The following DDX17 variants were observed in gnomAD, a reference collection of about 807,000 sequenced individuals.
The protein encoded by DDX17 is probable ATP-dependent RNA helicase DDX17.
A neutral mutation model predicts 80.8 loss-of-function variants in DDX17; 10 were observed. That is an observed-to-expected ratio of 0.12 (90% confidence interval 0.08 to 0.21). The LOEUF (loss-of-function observed/expected upper bound fraction) is 0.21, where lower values mean the gene tolerates loss of function less well. DDX17 is among the 10% of genes least tolerant of loss of function. The pLI, the probability that DDX17 is intolerant of heterozygous loss-of-function variation, is 1.00. For missense variants in DDX17, 586 were observed against 957.4 expected, an observed-to-expected ratio of 0.61 and a Z score of 5.12; for synonymous variants, 339 against 336.2, an observed-to-expected ratio of 1.01 and a Z score of -0.09.
intron 11 of DDX17, chr22:38,490,187 AC>A: frequency 8.3e-7 from 1 of 1,198,050 alleles, no homozygotes; most frequent in East Asian, 5.8e-5. Flanking sequence ...TTATCTGTGC[AC>A]TGCCACAATA....
At position 38,488,075 on chromosome 22, in the gene DDX17, T is replaced by G. The variant is rs748821178; in HGVS notation, c.1488A>C (p.Pro496=). 13 of 1,614,244 alleles carry G rather than the reference T, an allele frequency of 8.1e-6. No individual in the cohort carries two copies. Among genetic ancestry groups the G allele is most frequent in the Admixed American group, 3.3e-5 (2 of 60,030 alleles). ...GGTGCACATAATCCTCTGAGCTGTT[T>G]GGATAGTCATAGTTGATCACAAACT... Residue 496 remains proline (P), a synonymous_variant, in exon 12 of 13, where the codon CCA becomes CCC. Coordinates refer to ENST00000403230, the MANE Select transcript of DDX17 (RefSeq NM_006386.5).
At chr22:38,487,206 C>T (rs1408327795) in intron 12 of DDX17, among the ~76,000 whole-genome samples, 2 of 152,162 alleles carry the variant, frequency 1.3e-5, no homozygotes, top group Non-Finnish European at 2.9e-5. Flanking sequence ...AAACTCAGAC[C>T]AGCCTCAGCT....
Position 38,495,035 on chromosome 22 carries a change from A to T in DDX17, c.892T>A (p.Cys298Ser), listed in dbSNP as rs2145697628. The change falls in exon 7 of 13, where the codon TGC becomes AGC. Residue 298 changes from cysteine (C) to serine (S), a missense_variant. Physicochemically the swap from Cys to Ser is moderately radical, Grantham distance 112. This residue lies in a region of DDX17 where 141 missense variants were observed against 379.3 expected (regional missense o/e 0.37). Coordinates refer to ENST00000403230, the MANE Select transcript of DDX17 (RefSeq NM_006386.5). The stretch of plus-strand genomic sequence containing the variant: ...ATCAGACGTCCAGGAGTGGCTATGC[A>T]GATCTCAACACCTGTAAAACAAAAC... The T allele has an allele frequency of 6.2e-7, 1 of 1,613,068 alleles. No homozygotes were observed. Among genetic ancestry groups the T allele is most frequent in the South Asian group, 1.1e-5 (1 of 91,000 alleles).
At chr22:38,503,335 T>G (rs568392188) in intron 1 of DDX17, among the ~76,000 whole-genome samples, 1 of 152,218 alleles carries the variant, frequency 6.6e-6, no homozygotes, top group African/African-American at 2.4e-5. Context: ...CACATTGCAA[T>G]GCTACCCAAA....
At chr22:38,493,616 A>G in intron 10 of DDX17, 94 bp downstream of exon 10, 1 of 1,008,740 alleles carries the variant, frequency 9.9e-7, no homozygotes, top group Non-Finnish European at 1.6e-6. Flanking sequence ...GTGGCCCTTT[A>G]CAGAAAGTTT....
At chr22:38,488,652 A>G (rs16999006) in intron 11 of DDX17, 76 of 987,346 alleles carry the variant, frequency 7.7e-5, no homozygotes, top group Non-Finnish European at 9.0e-5. Context: ...AGGAAACTTA[A>G]ATGTTTTGAT....
rs189415970 is a variant in DDX17 at position 38,498,595 on chromosome 22, C to T, written c.539-22G>A. On this transcript the variant is annotated intron_variant, in intron 3 of 12. Transcript: ENST00000403230. ...TATTCTGTAAGAGAATTTTATTTTG[C>T]GTATTTTATTGTGTTTAAAGACACA... The T allele has an allele frequency of 7.8e-5, 125 of 1,611,982 alleles. 1 individual carries two copies. The Middle Eastern group carries it at 8.3e-4, about 11-fold the overall frequency.
chr22:38,498,767 G>A (rs2089795567), intron 3 of DDX17, among the ~76,000 whole-genome samples, 194 bp from the exon 4 acceptor site: 1 of 152,206 alleles, frequency 6.6e-6, no homozygotes, highest in African/African-American at 2.4e-5. Context: ...GCTCACGCCT[G>A]TAATCCCATC....
At position 38,489,489 on chromosome 22, in the gene DDX17, A is replaced by T; in HGVS notation, c.1448-1374T>A. On this transcript the variant is annotated intron_variant, in intron 11 of 12. Coordinates refer to ENST00000403230, the MANE Select transcript of DDX17 (RefSeq NM_006386.5). The surrounding 1 kb of genome is among the most constrained non-coding windows in gnomAD (Gnocchi z 4.6). ...TTCGGGTAAAAATTTCAGGTCCTCCAACGCCTCCCCCAAGGATAATTGGGG... is the reference window on the plus strand; with the variant it reads ...TTCGGGTAAAAATTTCAGGTCCTCCTACGCCTCCCCCAAGGATAATTGGGG... 1.0e-6 allele frequency: 1 copy of T among 985,724 alleles called. No homozygotes were observed. Among genetic ancestry groups the T allele is most frequent in the Non-Finnish European group, 1.2e-6 (1 of 829,930 alleles). 61.1% of individuals were successfully genotyped at this position (985,724 alleles called of 1,614,324 possible). A position where few individuals can be genotyped will look rare whatever the true frequency, so the allele number is the denominator to read the frequency against.
intron 11 of DDX17, 118 bp downstream of exon 11, chr22:38,491,938 A>G: frequency 1.6e-6 from 1 of 619,832 alleles, no homozygotes; most frequent in Non-Finnish European, 2.6e-6. Context: ...TTTCTTTCAA[A>G]TATTTATCTA....
At chr22:38,504,914 C>T (rs576133307) in intron 1 of DDX17, among the ~76,000 whole-genome samples, 2 of 146,164 alleles carry the variant, frequency 1.4e-5, no homozygotes, top group African/African-American at 5.1e-5. Context: ...TTTGGGGAAG[C>T]GGGGGGGTCG....
rs897643939 is a variant in DDX17 at position 38,506,290 on chromosome 22, C to T, written c.-53G>A. 2.0e-6 allele frequency: 3 copies of T among 1,504,340 alleles called. No homozygotes were observed. The highest frequency in any genetic ancestry group is 2.7e-6 in the Non-Finnish European group (3 of 1,128,756). 93.2% of individuals were successfully genotyped at this position (1,504,340 alleles called of 1,614,324 possible). A position where few individuals can be genotyped will look rare whatever the true frequency, so the allele number is the denominator to read the frequency against. ...CCGCGGTTTAGGCGTCTCCTTCCTT[C>T]CCAGCGACTGCACAAAATGGCGGCC... On this transcript the variant is annotated 5_prime_UTR_variant, in exon 1 of 13. Coordinates refer to ENST00000403230, the MANE Select transcript of DDX17 (RefSeq NM_006386.5).
intron 3 of DDX17, among the ~76,000 whole-genome samples, 191 bp from the exon 4 acceptor site, chr22:38,498,764 C>T (rs1229264642): frequency 1.3e-5 from 2 of 152,172 alleles, no homozygotes; most frequent in African/African-American, 4.8e-5. Flanking sequence ...GTGGCTCACG[C>T]CTGTAATCCC....
At chr22:38,499,549 C>G (rs2089806055) in intron 2 of DDX17, 50 bp from the exon 3 acceptor site, 8 of 1,415,096 alleles carry the variant, frequency 5.7e-6, no homozygotes, top group Non-Finnish European at 8.0e-6. Flanking sequence ...TCTAAACATT[C>G]AGAATTTATG....
intron 11 of DDX17, chr22:38,490,357 G>A: frequency 7.8e-7 from 1 of 1,289,390 alleles, no homozygotes; most frequent in Non-Finnish European, 1.0e-6. Context: ...CTAGCCAAGA[G>A]GCTCATCTAG....
chr22:38,500,431 AGGAGAC>A (rs1293848676), intron 2 of DDX17, among the ~76,000 whole-genome samples: 1 of 151,434 alleles, frequency 6.6e-6, no homozygotes, highest in African/African-American at 2.4e-5. Context: ...TCACAAGGTC[AGGAGAC>A]GGAGACCAGT....
chr22:38,492,766 G>A (rs1010512306), intron 10 of DDX17, among the ~76,000 whole-genome samples: 6 of 152,092 alleles, frequency 3.9e-5, no homozygotes, highest in African/African-American at 1.5e-4. Flanking sequence ...GATTACAGGC[G>A]TGAGCCACTG....
At chr22:38,505,000 C>G (rs753649998) in intron 1 of DDX17, among the ~76,000 whole-genome samples, 12 of 152,212 alleles carry the variant, frequency 7.9e-5, no homozygotes, top group Non-Finnish European at 1.5e-4. Flanking sequence ...CCTCCTCCCC[C>G]CGGGTTCAAG....
intron 11 of DDX17, chr22:38,490,078 C>G: frequency 9.3e-7 from 1 of 1,073,390 alleles, no homozygotes; most frequent in South Asian, 2.6e-5. Flanking sequence ...GCAAGTTCTT[C>G]ATACTAGAAA....
Sources: allele counts gnomAD v4.1 joint callset (sites outside exome capture counted in the v4.1 genomes callset), GRCh38; gene constraint gnomAD v4.1.1; regional missense constraint gnomAD v4.1.1; non-coding constraint Gnocchi (gnomAD v3.1); transcripts MANE v1.5; gene names NCBI Gene and HGNC (gene_info 2026-07-23, HGNC 2026-07-21).